Variants in IFT56 observed in about 807,000 individuals in gnomAD.
IFT56 encodes the protein intraflagellar transport 56.
At chr7:139,173,810 A>C in the IFT56 span, 1 of 735,528 alleles carries the variant, frequency 1.4e-6, no homozygotes, top group Non-Finnish European at 2.5e-6. Context: ...TGTTAATGTA[A>C]TAACAATCAT....
chr7:139,150,467 A>T, the IFT56 span, among the ~76,000 whole-genome samples: 4 of 152,160 alleles, frequency 2.6e-5, no homozygotes, highest in Non-Finnish European at 5.9e-5. Context: ...TACACCTAGA[A>T]TTATCCAAGT....
the IFT56 span, among the ~76,000 whole-genome samples, chr7:139,142,029 A>T: frequency 6.6e-6 from 1 of 152,238 alleles, no homozygotes; most frequent in Admixed American, 6.5e-5. Context: ...ATCAGGTAGA[A>T]CAAGCAGTGG....
the IFT56 span, among the ~76,000 whole-genome samples, chr7:139,163,281 G>C: frequency 6.6e-6 from 1 of 150,744 alleles, no homozygotes; most frequent in Non-Finnish European, 1.5e-5. Context: ...GGCGAAGCTT[G>C]CAGTGAGCGA....
At chr7:139,144,288 T>C in the IFT56 span, among the ~76,000 whole-genome samples, 1 of 152,098 alleles carries the variant, frequency 6.6e-6, no homozygotes, top group Admixed American at 6.5e-5. Context: ...TATTTTTGCT[T>C]AGCATTTTGA....
chr7:139,178,599 G>A, the IFT56 span: 2 of 1,613,582 alleles, frequency 1.2e-6, no homozygotes, highest in Non-Finnish European at 8.5e-7. Context: ...GGGCGAAGAG[G>A]TGGGTATCTG....
the IFT56 span, chr7:139,142,315 T>C: frequency 1.2e-6 from 2 of 1,606,138 alleles, no homozygotes; most frequent in Admixed American, 3.4e-5. Context: ...GGTATTTATG[T>C]TCTCATTTCA....
At chr7:139,178,520 C>T in the IFT56 span, 2 of 1,613,656 alleles carry the variant, frequency 1.2e-6, no homozygotes, top group Admixed American at 1.7e-5. Context: ...TTCAGAGTTA[C>T]TTCTATAATG....
chr7:139,148,409 C>A, the IFT56 span: 13 of 1,579,886 alleles, frequency 8.2e-6, no homozygotes, highest in South Asian at 1.1e-5. Context: ...TAATGTACTT[C>A]ATTCCAATTT....
the IFT56 span, chr7:139,181,102 T>C: frequency 6.2e-7 from 1 of 1,605,202 alleles, no homozygotes; most frequent in Non-Finnish European, 8.5e-7. Context: ...ATATTATGAA[T>C]AAGAAACCAA....
the IFT56 span, among the ~76,000 whole-genome samples, chr7:139,159,618 G>A: frequency 6.6e-6 from 1 of 152,088 alleles, no homozygotes; most frequent in African/African-American, 2.4e-5. Context: ...TCTCAAAATA[G>A]ATCAAATGCA....
the IFT56 span, among the ~76,000 whole-genome samples, chr7:139,152,679 G>A: frequency 4.7e-4 from 71 of 152,140 alleles, no homozygotes; most frequent in Non-Finnish European, 8.7e-4. Flanking sequence ...TCATTCTAAC[G>A]TAGATATGAT....
the IFT56 span, among the ~76,000 whole-genome samples, chr7:139,149,173 C>T: frequency 6.6e-6 from 1 of 151,642 alleles, no homozygotes; most frequent in South Asian, 2.1e-4. Context: ...GGCGTGGTGG[C>T]GGGCGCCTGT....
the IFT56 span, chr7:139,191,820 G>A: frequency 6.6e-6 from 1 of 152,092 alleles, no homozygotes; most frequent in Admixed American, 6.6e-5. Flanking sequence ...CCAGACTTAG[G>A]CATGTAGTGA....
At chr7:139,143,178 G>A in the IFT56 span, among the ~76,000 whole-genome samples, 1 of 152,094 alleles carries the variant, frequency 6.6e-6, no homozygotes, top group East Asian at 1.9e-4. Flanking sequence ...TACCTACTGG[G>A]TATGAGCAAC....
chr7:139,165,274 T>C, the IFT56 span: 2 of 1,392,500 alleles, frequency 1.4e-6, no homozygotes, highest in Non-Finnish European at 2.0e-6. Context: ...CAATGAGATA[T>C]TTTAGAATAG....
chr7:139,172,018 C>G, the IFT56 span, among the ~76,000 whole-genome samples: 3 of 151,666 alleles, frequency 2.0e-5, no homozygotes, highest in Non-Finnish European at 4.4e-5. Context: ...CTTTTGCCGT[C>G]AATATCGAGT....
the IFT56 span, among the ~76,000 whole-genome samples, chr7:139,138,811 C>CTT: frequency 0.021 from 2,890 of 136,442 alleles, 94 homozygotes; most frequent in East Asian, 0.069. Flanking sequence ...TATGGATTTA[C>CTT]TTTTTTTTTT....
chr7:139,157,962 T>TG, the IFT56 span, among the ~76,000 whole-genome samples: 1 of 151,892 alleles, frequency 6.6e-6, no homozygotes, highest in East Asian at 1.9e-4. Flanking sequence ...ACAGGGACAG[T>TG]GGGGGGTGTG....
the IFT56 span, among the ~76,000 whole-genome samples, chr7:139,138,879 C>T: frequency 8.0e-5 from 12 of 149,514 alleles, no homozygotes; most frequent in Middle Eastern, 3.5e-3. Flanking sequence ...GGCACGATCT[C>T]GGCTCACTGC....
Sources: gnomAD v4.1 joint callset for allele counts (sites outside exome capture counted in the v4.1 genomes callset) on GRCh38, gnomAD v4.1.1 for gene constraint, MANE v1.5 for transcripts, NCBI Gene and HGNC (gene_info 2026-07-23, HGNC 2026-07-21) for gene names.